The following ZNF592 variants were observed in gnomAD, a reference collection of about 807,000 sequenced individuals.
The protein encoded by ZNF592 is zinc finger protein 592.
ZNF592 carries 11 observed loss-of-function variants against 80.3 expected under a neutral mutation model. The ratio of observed to expected loss-of-function variants is 0.14; its 90% confidence interval spans 0.09 to 0.23. The LOEUF is 0.23. ZNF592 is among the 10% of genes least tolerant of loss of function. The probability of loss-of-function intolerance (pLI) is 1.00; values close to 1 mark genes in which losing one functional copy is unlikely to be tolerated. For synonymous variants in ZNF592, 646 were observed against 640.3 expected, an observed-to-expected ratio of 1.01 and a Z score of -0.13; for missense variants, 1,420 against 1,633.9, an observed-to-expected ratio of 0.87 and a Z score of 2.26.
At position 84,784,846 on chromosome 15, in the gene ZNF592, T is replaced by C. The variant is rs776168228; in HGVS notation, c.2171T>C (p.Met724Thr). 48 of 1,614,002 alleles carry C rather than the reference T, an allele frequency of 3.0e-5. No individual in the cohort carries two copies. The South Asian group carries it at 5.1e-4, about 17-fold the overall frequency. ...LECHKQMRDY[M>T]VLAAHFQRTT... ...TGTCACAAGCAGATGCGGGACTACATGGTCCTGGCTGCACATTTCCAGAGG... is the reference window on the plus strand; with the variant it reads ...TGTCACAAGCAGATGCGGGACTACACGGTCCTGGCTGCACATTTCCAGAGG... The change falls in exon 4 of 11, where the codon ATG (methionine) becomes ACG (threonine). Residue 724 changes from methionine to threonine, a missense_variant. Met to Thr is a moderately conservative substitution (Grantham distance 81). Around this residue, in one of 7 missense-constraint regions of ZNF592, gnomAD observed 524 missense variants for 628.3 expected, o/e 0.83. Transcript: ENST00000560079. The surrounding 1 kb of genome is among the most constrained non-coding windows in gnomAD (Gnocchi z 5.8).
Position 84,798,717 on chromosome 15 carries a change from A to T in ZNF592, c.2866A>T (p.Ser956Cys). Residue 956 changes from serine to cysteine, a missense_variant, in exon 8 of 11, where the codon AGC becomes TGC. This residue lies in a region of ZNF592 where 331 missense variants were observed against 347.0 expected (regional missense o/e 0.95). Transcript: ENST00000560079. This position sits in a 1 kb window ranked among gnomAD's most constrained non-coding sequence, Gnocchi z 4.5. ...AGCCACTAGTGTGGCTGCTCGGAGC[A>T]GCTCCCTGCCTTCTGGCCGCTGGGG... ...PPATSVAARSSSLPSGRWGRP... is the reference protein window; with the variant it reads ...PPATSVAARSCSLPSGRWGRP... 6.2e-7 allele frequency: 1 copy of T among 1,612,826 alleles called. No homozygotes were observed. Among genetic ancestry groups the T allele is most frequent in the African/African-American group, 1.3e-5 (1 of 75,076 alleles).
chr15:84,779,531 A>T (rs1457942930), intron 3 of ZNF592, among the ~76,000 whole-genome samples: 1 of 152,044 alleles, frequency 6.6e-6, no homozygotes, highest in Non-Finnish European at 1.5e-5. Context: ...TATTCTTTTT[A>T]AAAATAGAGA....
At chr15:84,761,506 G>A (rs1899349713) in intron 1 of ZNF592, among the ~76,000 whole-genome samples, 1 of 152,168 alleles carries the variant, frequency 6.6e-6, no homozygotes, top group Non-Finnish European at 1.5e-5. Flanking sequence ...CTTCCAATGT[G>A]GTAGAGTTTA....
chr15:84,769,158 C>G (rs542710681), intron 2 of ZNF592, among the ~76,000 whole-genome samples: 5 of 152,200 alleles, frequency 3.3e-5, no homozygotes, highest in African/African-American at 9.6e-5. Flanking sequence ...TGAGGCTGGT[C>G]TTGAACTCCT....
Position 84,782,902 on chromosome 15 carries a change from A to G in ZNF592, c.227A>G (p.Gln76Arg), listed in dbSNP as rs762243490. 2 of 1,614,226 alleles carry G rather than the reference A, an allele frequency of 1.2e-6. No homozygotes were observed. Among genetic ancestry groups the G allele is most frequent in the South Asian group, 2.2e-5 (2 of 91,074 alleles). ...VSVIVKNTSR[Q>R]ESFEAEKDHI... ...GTCATTGTCAAGAACACCAGCCGCC[A>G]GGAGTCATTTGAAGCGGAGAAAGAC... is the stretch of plus-strand genomic sequence containing the variant. Residue 76 changes from glutamine to arginine, a missense_variant, in exon 4 of 11, where the codon CAG (glutamine) becomes CGG (arginine). This residue lies in a region of ZNF592 where 373 missense variants were observed against 355.5 expected (regional missense o/e 1.05). Coordinates refer to ENST00000560079, the MANE Select transcript of ZNF592 (RefSeq NM_014630.3).
chr15:84,772,603 C>T (rs1962116332), intron 2 of ZNF592, among the ~76,000 whole-genome samples: 2 of 152,184 alleles, frequency 1.3e-5, no homozygotes, highest in Non-Finnish European at 2.9e-5. Flanking sequence ...TAATGCAACA[C>T]AAATGATATC....
chr15:84,791,773 CA>C (rs1962756765), intron 5 of ZNF592, among the ~76,000 whole-genome samples: 1 of 151,964 alleles, frequency 6.6e-6, no homozygotes, highest in Non-Finnish European at 1.5e-5. Context: ...GATTTTCAGA[CA>C]AAAGAAGGGG....
chr15:84,770,874 C>G (rs182213412), intron 2 of ZNF592, among the ~76,000 whole-genome samples: 4 of 152,136 alleles, frequency 2.6e-5, no homozygotes, highest in Admixed American at 2.6e-4. Context: ...TCCAAGGGCC[C>G]CTTCAGCTTT....
Position 84,798,092 on chromosome 15 carries a change from T to C in ZNF592, c.2576+47T>C, listed in dbSNP as rs1395842126. 2 of 1,605,940 alleles carry C rather than the reference T, an allele frequency of 1.2e-6. No individual in the cohort carries two copies. The highest frequency in any genetic ancestry group is 1.1e-5 in the South Asian group (1 of 90,658). ...GCAGGCCCTGTGGAGCAGAGAGGAG[T>C]AGCCTGGGTGCTGTAGGGGGTGGCA... On this transcript the variant is annotated intron_variant, in intron 6 of 10. Transcript: ENST00000560079. This position sits in a 1 kb window ranked among gnomAD's most constrained non-coding sequence, Gnocchi z 4.5.
Position 84,802,226 on chromosome 15 carries a change from A to C in ZNF592, c.3637A>C (p.Thr1213Pro). Residue 1213 changes from threonine to proline, a missense_variant, in exon 11 of 11, where the codon ACT (threonine) becomes CCT (proline). Physicochemically the swap from Thr to Pro is conservative, Grantham distance 38. Coordinates refer to ENST00000560079, the MANE Select transcript of ZNF592 (RefSeq NM_014630.3). Reference sequence around the variant, plus strand: ...CTCCGGGGAGGAGGTGCCCATGGAGACTAGAGAGAATGGACTGGAAGAATG... The same window carrying C: ...CTCCGGGGAGGAGGTGCCCATGGAGCCTAGAGAGAATGGACTGGAAGAATG... ...EGSGEEVPME[T>P]RENGLEECAG... is the part of the protein sequence containing the mutation. The C allele has an allele frequency of 1.2e-6, 2 of 1,600,950 alleles. No individual in the cohort carries two copies. Among genetic ancestry groups the C allele is most frequent in the Non-Finnish European group, 1.7e-6 (2 of 1,170,862 alleles).
chr15:84,790,257 C>T (rs1057087253), intron 4 of ZNF592, among the ~76,000 whole-genome samples: 4 of 152,100 alleles, frequency 2.6e-5, no homozygotes, highest in Non-Finnish European at 5.9e-5. Context: ...CCACCTGACT[C>T]GAGGTGCTGA....
chr15:84,804,232 C>T lies in ZNF592; in HGVS notation c.*1839C>T, dbSNP rs1963183511. 1 of 152,244 alleles carries T rather than the reference C, an allele frequency of 6.6e-6. No homozygotes were observed. 9.4% of individuals were successfully genotyped at this position (152,244 alleles called of 1,614,324 possible). The stretch of plus-strand genomic sequence containing the variant: ...AGCTACCTGCAAAGCCAGACCTAGA[C>T]CTGCCGTAGCTGTTGTCCCATGCCT... On this transcript the variant is annotated 3_prime_UTR_variant, in exon 11 of 11. Transcript: ENST00000560079.
At chr15:84,750,322 G>A (rs1348249046) in intron 1 of ZNF592, among the ~76,000 whole-genome samples, 1 of 152,076 alleles carries the variant, frequency 6.6e-6, no homozygotes, top group Non-Finnish European at 1.5e-5. Flanking sequence ...AAATAGTCGT[G>A]GAAATTTATT....
At chr15:84,748,760 C>T (rs976024029) in intron 1 of ZNF592, 96 bp downstream of exon 1, 3 of 147,336 alleles carry the variant, frequency 2.0e-5, no homozygotes, top group Non-Finnish European at 4.5e-5. Flanking sequence ...CGAGTCCGAG[C>T]CCGAGCCGGG....
chr15:84,757,073 A>G (rs1191339433), intron 1 of ZNF592, among the ~76,000 whole-genome samples: 1 of 152,132 alleles, frequency 6.6e-6, no homozygotes, highest in Non-Finnish European at 1.5e-5. Context: ...ACATTACGCC[A>G]GTGTACTCTG....
In ZNF592 at chr15:84,798,300, G is replaced by T. The variant is rs776373423; in HGVS notation, c.2577-15G>T. ...GTGCCTTGGCCACCTCACCCCCTAG[G>T]GCTTGTCTCATCAGGCTCATTTATA... On this transcript the variant is annotated splice_polypyrimidine_tract_variant and intron_variant, in intron 6 of 10. Transcript: ENST00000560079. This position sits in a 1 kb window ranked among gnomAD's most constrained non-coding sequence, Gnocchi z 4.5. The T allele has an allele frequency of 6.2e-7, 1 of 1,614,090 alleles. No individual in the cohort carries two copies. Among genetic ancestry groups the T allele is most frequent in the South Asian group, 1.1e-5 (1 of 91,074 alleles).
At chr15:84,753,357 T>C (rs1319517890) in intron 1 of ZNF592, 1 of 152,172 alleles carries the variant, frequency 6.6e-6, no homozygotes, top group Non-Finnish European at 1.5e-5. Context: ...TGGCTGCATG[T>C]GAAGGAAACA....
chr15:84,761,936 ATTTCTGAATGG>A (rs1344502371), intron 1 of ZNF592, among the ~76,000 whole-genome samples: 3 of 152,196 alleles, frequency 2.0e-5, no homozygotes, highest in African/African-American at 7.2e-5. Flanking sequence ...TTCTGAAAGT[ATTTCTGAATGG>A]TTTCTGTTTC....
chr15:84,765,534 T>TG (rs1180894271), intron 2 of ZNF592, among the ~76,000 whole-genome samples: 14 of 118,328 alleles, frequency 1.2e-4, no homozygotes, highest in African/African-American at 3.1e-4. Flanking sequence ...TTGTTATTAT[T>TG]GTTTTTTTTT....
Sources: allele counts gnomAD v4.1 joint callset (sites outside exome capture counted in the v4.1 genomes callset), GRCh38; gene constraint gnomAD v4.1.1; regional missense constraint gnomAD v4.1.1; non-coding constraint Gnocchi (gnomAD v3.1); transcripts MANE v1.5; gene names NCBI Gene and HGNC (gene_info 2026-07-23, HGNC 2026-07-21).